MDGA2: variants seen among roughly 807,000 people sequenced by gnomAD.
The protein encoded by MDGA2 is MAM domain-containing glycosylphosphatidylinositol anchor protein 2.
Under a neutral mutation model 117.8 loss-of-function variants are expected in MDGA2, and 40 were observed. The ratio of observed to expected loss-of-function variants is 0.34; its 90% CI spans 0.26 to 0.44. MDGA2 has a LOEUF of 0.44. Ranked by LOEUF, MDGA2 falls within the 20% of genes least tolerant of loss-of-function variation. The pLI is 1.00. For missense variants in MDGA2, 1,123 were observed against 1,250.6 expected, an observed-to-expected ratio of 0.90 and a Z score of 1.54; for synonymous variants, 452 against 439.0, an observed-to-expected ratio of 1.03 and a Z score of -0.37.
chr14:47,191,197 C>T (rs529963052), intron 3 of MDGA2, among the ~76,000 whole-genome samples: 19 of 151,904 alleles, frequency 1.3e-4, no homozygotes, highest in African/African-American at 3.9e-4. Flanking sequence ...GGACTACAAT[C>T]TCATGCATAT....
chr14:46,921,529 G>A (rs1884130357), intron 9 of MDGA2, among the ~76,000 whole-genome samples: 1 of 150,752 alleles, frequency 6.6e-6, no homozygotes, highest in Non-Finnish European at 1.5e-5. Flanking sequence ...GTGGTGGGAG[G>A]ATCACCTGAG....
intron 1 of MDGA2, among the ~76,000 whole-genome samples, chr14:47,567,061 C>G (rs1036498557): frequency 1.3e-5 from 2 of 151,864 alleles, no homozygotes; most frequent in Non-Finnish European, 1.5e-5. Context: ...TGTGCCACTA[C>G]GCCCAGCTAT....
chr14:47,454,783 T>C (rs550560436), intron 1 of MDGA2, among the ~76,000 whole-genome samples: 48 of 152,298 alleles, frequency 3.2e-4, no homozygotes, highest in African/African-American at 9.6e-4. Flanking sequence ...AAAAATTTTC[T>C]TTCAGGATGT....
chr14:47,123,962 G>A (rs1032996746), intron 5 of MDGA2, among the ~76,000 whole-genome samples: 1 of 152,020 alleles, frequency 6.6e-6, no homozygotes, highest in Non-Finnish European at 1.5e-5. Flanking sequence ...ACTTTTGAAT[G>A]TTAAAACTTA....
chr14:47,672,896 C>A (rs1898101295), intron 1 of MDGA2, among the ~76,000 whole-genome samples: 1 of 152,162 alleles, frequency 6.6e-6, no homozygotes, highest in South Asian at 2.1e-4. Flanking sequence ...GGCCCCACCT[C>A]CTGTTGTCAG....
At chr14:47,334,700 TA>T (rs1890390472) in intron 1 of MDGA2, among the ~76,000 whole-genome samples, 1 of 151,972 alleles carries the variant, frequency 6.6e-6, no homozygotes, top group Non-Finnish European at 1.5e-5. Context: ...GTAAAGATGT[TA>T]TTGATATCTC....
chr14:46,871,887 C>T (rs901762862), intron 14 of MDGA2: 30 of 389,824 alleles, frequency 7.7e-5, no homozygotes, highest in African/African-American at 5.5e-4. Context: ...ATGACTCATG[C>T]CTGTAATCCC....
Position 47,185,368 on chromosome 14 carries a change from A to T in MDGA2, c.595+32653T>A, listed in dbSNP as rs1884869172. 2.0e-5 allele frequency among the ~76,000 whole-genome samples: 3 copies of T among 151,584 alleles called. No individual in the cohort carries two copies. In the South Asian group the frequency reaches 6.2e-4, roughly 31 times the overall value. ...AACATGTATTATCTTAATTAATCCT[A>T]AAAGCACCCCTATGCTTTAGGTACT... is the stretch of plus-strand genomic sequence containing the variant. On this transcript the variant is annotated intron_variant, in intron 3 of 16. Coordinates refer to ENST00000399232, the MANE Select transcript of MDGA2 (RefSeq NM_001113498.3).
rs1012005971 is a variant in MDGA2, at chr14:47,387,175, T to A, written c.281-85625A>T. 2.6e-5 allele frequency among the ~76,000 whole-genome samples: 4 copies of A among 152,054 alleles called. No homozygotes were observed. The South Asian group carries it at 6.2e-4, about 24-fold the overall frequency. On this transcript the variant is annotated intron_variant, in intron 1 of 16. Coordinates refer to ENST00000399232, the MANE Select transcript of MDGA2 (RefSeq NM_001113498.3). ...GTACAATCTCAGGAAACGTTAAGGA[T>A]CTCTCTAACATTATTTCAAAATTTC... is the stretch of plus-strand genomic sequence containing the variant.
chr14:47,361,438 G>A (rs1265804843), intron 1 of MDGA2, among the ~76,000 whole-genome samples: 1 of 151,980 alleles, frequency 6.6e-6, no homozygotes, highest in Non-Finnish European at 1.5e-5. Context: ...TCCAGTCTGT[G>A]GTATTTTGTC....
At chr14:47,249,814 G>T (rs180687255) in intron 2 of MDGA2, among the ~76,000 whole-genome samples, 1 of 152,234 alleles carries the variant, frequency 6.6e-6, no homozygotes, top group Admixed American at 6.5e-5. Flanking sequence ...CTGAAAAAAA[G>T]TTCACAAGAT....
intron 1 of MDGA2, among the ~76,000 whole-genome samples, chr14:47,380,696 C>A (rs565771775): frequency 1.3e-5 from 2 of 152,076 alleles, no homozygotes; most frequent in Admixed American, 6.6e-5. Context: ...CAATTACAGG[C>A]TCTGAAATTG....
chr14:47,530,736 T>C (rs531236668), intron 1 of MDGA2, among the ~76,000 whole-genome samples: 1 of 152,160 alleles, frequency 6.6e-6, no homozygotes, highest in South Asian at 2.1e-4. Flanking sequence ...GAAAGAGTCA[T>C]GTTGCATTGC....
chr14:46,895,065 T>G (rs2138427993), intron 10 of MDGA2, among the ~76,000 whole-genome samples: 1 of 152,310 alleles, frequency 6.6e-6, no homozygotes, highest in Admixed American at 6.5e-5. Flanking sequence ...TAGTAATAAA[T>G]TAATAATTAG....
At chr14:46,865,216 T>C (rs1226873200) in intron 14 of MDGA2, among the ~76,000 whole-genome samples, 3 of 152,094 alleles carry the variant, frequency 2.0e-5, no homozygotes, top group Non-Finnish European at 4.4e-5. Context: ...TTTAAGTTCC[T>C]AGTTTAAAAT....
chr14:47,433,842 A>G (rs900877196), intron 1 of MDGA2, among the ~76,000 whole-genome samples: 3 of 152,104 alleles, frequency 2.0e-5, no homozygotes, highest in Admixed American at 6.6e-5. Flanking sequence ...CTAATTCAGG[A>G]ATGTGTTGAA....
chr14:46,925,631 CAAA>C (rs34889177), intron 9 of MDGA2, among the ~76,000 whole-genome samples: 18 of 64,582 alleles, frequency 2.8e-4, no homozygotes, highest in African/African-American at 8.8e-4. Context: ...GACTCTACCT[CAAA>C]AAAAAAAAAA....
At chr14:46,870,298 C>A (rs1443022872) in intron 14 of MDGA2, among the ~76,000 whole-genome samples, 1 of 151,884 alleles carries the variant, frequency 6.6e-6, no homozygotes, top group Non-Finnish European at 1.5e-5. Context: ...TTTACAATTA[C>A]TCATGAAGTT....
intron 5 of MDGA2, among the ~76,000 whole-genome samples, chr14:47,125,067 T>C (rs912349764): frequency 6.6e-6 from 1 of 152,128 alleles, no homozygotes; most frequent in Non-Finnish European, 1.5e-5. Context: ...CTAGCATATC[T>C]AGATTCTAAT....
Sources: gnomAD v4.1 joint callset for allele counts (sites outside exome capture counted in the v4.1 genomes callset) on GRCh38, gnomAD v4.1.1 for gene constraint, MANE v1.5 for transcripts, NCBI Gene and HGNC (gene_info 2026-07-23, HGNC 2026-07-21) for gene names.